DENND4A: variants seen among roughly 807,000 people sequenced by gnomAD.
DENND4A encodes the protein DENN domain containing 4A, also known as C-myc promoter-binding protein.
DENND4A carries 70 observed loss-of-function variants against 199.3 expected under a neutral mutation model. That is an observed-to-expected ratio of 0.35 (90% CI 0.29 to 0.43). The LOEUF (loss-of-function observed/expected upper bound fraction) is 0.43. Ranked by LOEUF, DENND4A falls within the 20% of genes least tolerant of loss-of-function variation. The probability of loss-of-function intolerance (pLI) is 1.00; values close to 1 mark genes in which losing one functional copy is unlikely to be tolerated. For missense variants in DENND4A, 1,723 were observed against 2,255.8 expected (o/e 0.76, Z 4.78); for synonymous variants, 686 against 766.9 (o/e 0.89, Z 1.74).
At position 65,676,428 on chromosome 15, in the gene DENND4A, G is replaced by C; in HGVS notation, c.4369+17C>G. 6.4e-7 allele frequency: 1 copy of C among 1,573,270 alleles called. No individual in the cohort carries two copies. Among genetic ancestry groups the C allele is most frequent in the East Asian group, 2.3e-5 (1 of 43,956 alleles). On this transcript the variant is annotated intron_variant, in intron 24 of 32. Transcript: ENST00000443035. Reference sequence around the variant, plus strand: ...ACTACAAATCAAATGCAGTATGACAGAACTGTTTGGACAAACCTTCCAAGG... The same window carrying C: ...ACTACAAATCAAATGCAGTATGACACAACTGTTTGGACAAACCTTCCAAGG...
chr15:65,700,665 A>T lies in DENND4A; in HGVS notation c.2712T>A (p.Ser904Arg). The T allele has an allele frequency of 6.5e-7, 1 of 1,538,158 alleles. No individual in the cohort carries two copies. The highest frequency in any genetic ancestry group is 8.8e-7 in the Non-Finnish European group (1 of 1,142,712). The stretch of plus-strand genomic sequence containing the variant: ...TGCCATGACTAACAGCATCCAGGTC[A>T]CTGCCATCTGCTTAAGAACACAATT... ...LSQTTLSADG[S>R]DLDAVSHGSM... is the part of the protein sequence containing the mutation. Residue 904 changes from serine (S) to arginine (R), a missense_variant, in exon 20 of 33, where the codon AGT (serine) becomes AGA (arginine). Physicochemically the swap from Ser to Arg is moderately radical, Grantham distance 110. Around this residue, in one of 6 missense-constraint regions of DENND4A, gnomAD observed 650 missense variants for 738.1 expected, o/e 0.88. Transcript: ENST00000443035.
chr15:65,738,734 A>G lies in DENND4A; in HGVS notation c.773T>C (p.Phe258Ser), dbSNP rs1186544962. Residue 258 changes from phenylalanine (F) to serine (S), a missense_variant, in exon 6 of 33, where the codon TTT becomes TCT. Phe to Ser is a radical substitution (Grantham distance 155). This residue lies in a region of DENND4A where 725 missense variants were observed against 952.9 expected (regional missense o/e 0.76). Transcript: ENST00000443035. ...TTCAGCTGAGGCTCCAGTTAAAACAAAAGTAGAAAATACAGGCAGAGGGTA... is the reference window on the plus strand; with the variant it reads ...TTCAGCTGAGGCTCCAGTTAAAACAGAAGTAGAAAATACAGGCAGAGGGTA... ...SKYPLPVFST[F>S]VLTGASAEKV... 6.2e-7 allele frequency: 1 copy of G among 1,611,766 alleles called. No homozygotes were observed. Among genetic ancestry groups the G allele is most frequent in the Non-Finnish European group, 8.5e-7 (1 of 1,179,044 alleles).
In DENND4A at chr15:65,718,760, C is replaced by CTTTTTTTTTTTTTTTTT. The variant is rs1038227560; in HGVS notation, c.1589-781_1589-765dup. 2.4e-4 allele frequency among the ~76,000 whole-genome samples: 16 copies of CTTTTTTTTTTTTTTTTT among 67,742 alleles called. 1 individual carries two copies. Among genetic ancestry groups the CTTTTTTTTTTTTTTTTT allele is most frequent in the African/African-American group, 4.5e-4 (9 of 20,068 alleles). 44.4% of individuals were successfully genotyped at this position (67,742 alleles called of 152,430 possible). A position where few individuals can be genotyped will look rare whatever the true frequency, so the allele number is the denominator to read the frequency against. On this transcript the variant is annotated intron_variant, in intron 12 of 32. Coordinates refer to ENST00000443035, the MANE Select transcript of DENND4A (RefSeq NM_001320835.1). ...TCAAAAGTTTTGCATGTTTTTTTTCCTTTTTTTTTTTTTTTTTTTTTTTTT... is the reference window on the plus strand; with the variant it reads ...TCAAAAGTTTTGCATGTTTTTTTTCCTTTTTTTTTTTTTTTTTTTTTTTTTTTTTTTTTTTTTTTTTT...
At chr15:65,663,543 A>G (rs569799906) in intron 32 of DENND4A, among the ~76,000 whole-genome samples, 1 of 152,096 alleles carries the variant, frequency 6.6e-6, no homozygotes, top group South Asian at 2.1e-4. Context: ...ATAGATATTT[A>G]TGTTTATTTC....
rs576385430 is a variant in DENND4A, at chr15:65,788,950, A to G, written c.-102+3060T>C. Among the ~76,000 whole-genome samples the G allele has an allele frequency of 4.6e-5, 7 of 151,874 alleles. No individual in the cohort carries two copies. In the East Asian group the frequency reaches 1.4e-3, roughly 29 times the overall value. ...TTACCCATAATCCGATCACCCAGGG[A>G]TAACATCTCTTACTATTTTATATGT... On this transcript the variant is annotated intron_variant, in intron 1 of 32. Transcript: ENST00000443035.
In DENND4A at chr15:65,788,580, G is replaced by T. The variant is rs150560478; in HGVS notation, c.-102+3430C>A. Among the ~76,000 whole-genome samples, 1,125 of 151,734 alleles carry T rather than the reference G, an allele frequency of 7.4e-3. 14 individuals are homozygous for T. The highest frequency in any genetic ancestry group is 0.041 in the South Asian group (196 of 4,740). On this transcript the variant is annotated intron_variant, in intron 1 of 32. Transcript: ENST00000443035. ...CAATGTCTTCTTTGTAATTATAAGA[G>T]TAATAACCGGCCAGGTGCAGTAATC...
intron 7 of DENND4A, among the ~76,000 whole-genome samples, chr15:65,736,334 C>T (rs1272812654): frequency 6.6e-6 from 1 of 152,094 alleles, no homozygotes. Flanking sequence ...TCTTGGCTCA[C>T]TGCAACCTCC....
chr15:65,700,893 A>C (rs1484611330), intron 19 of DENND4A, among the ~76,000 whole-genome samples, 158 bp downstream of exon 19: 1 of 152,220 alleles, frequency 6.6e-6, no homozygotes, highest in Non-Finnish European at 1.5e-5. Context: ...ACAGAAGTGA[A>C]ATCTGGTGGT....
intron 15 of DENND4A, among the ~76,000 whole-genome samples, chr15:65,705,266 C>G (rs909278064): frequency 6.6e-6 from 1 of 152,000 alleles, no homozygotes; most frequent in South Asian, 2.1e-4. Flanking sequence ...ATTGAAAAAT[C>G]CTTTTTCAAT....
At chr15:65,703,687 T>G (rs1002901780) in intron 15 of DENND4A, among the ~76,000 whole-genome samples, 3 of 152,324 alleles carry the variant, frequency 2.0e-5, no homozygotes, top group Admixed American at 2.0e-4. Context: ...GCAGCTAGGC[T>G]GGGTGCAGTT....
At chr15:65,701,661 TA>T in intron 18 of DENND4A, 100 bp downstream of exon 18, 4 of 1,108,752 alleles carry the variant, frequency 3.6e-6, no homozygotes, top group Non-Finnish European at 5.3e-6. Flanking sequence ...TTATATACTC[TA>T]AAATAAATGC....
At chr15:65,758,659 T>C (rs1213634874) in intron 2 of DENND4A, among the ~76,000 whole-genome samples, 2 of 152,198 alleles carry the variant, frequency 1.3e-5, no homozygotes, top group Non-Finnish European at 2.9e-5. Flanking sequence ...ACCATCATTA[T>C]TTATATACCA....
chr15:65,665,450 A>G lies in DENND4A; in HGVS notation c.5254T>C (p.Cys1752Arg). The change falls in exon 30 of 33, where the codon TGT becomes CGT. Residue 1752 changes from cysteine to arginine, a missense_variant. Cys to Arg is a radical substitution (Grantham distance 180). Transcript: ENST00000443035. ...ACATATTTGCTATCTTCAGACATAC[A>G]GTGGCGGGGAATCTGTGTTATACAA... ...CNKYSKIPRH[C>R]MSEDSKYVLI... 6.2e-7 allele frequency: 1 copy of G among 1,612,004 alleles called. No individual in the cohort carries two copies. Among genetic ancestry groups the G allele is most frequent in the South Asian group, 1.1e-5 (1 of 90,810 alleles).
chr15:65,714,306 G>C (rs980550070), intron 14 of DENND4A, among the ~76,000 whole-genome samples: 7 of 151,914 alleles, frequency 4.6e-5, no homozygotes, highest in East Asian at 1.9e-4. Flanking sequence ...CCAGCTACTC[G>C]GGAGGCTGAG....
chr15:65,676,666 T>C (rs1381135951), intron 23 of DENND4A, 32 bp from the exon 24 acceptor site: 3 of 1,547,640 alleles, frequency 1.9e-6, no homozygotes, highest in Non-Finnish European at 2.6e-6. Context: ...TAATTTCTTG[T>C]ACATTTAAAG....
chr15:65,697,861 A>G (rs990469059), intron 20 of DENND4A, among the ~76,000 whole-genome samples: 1 of 152,220 alleles, frequency 6.6e-6, no homozygotes, highest in African/African-American at 2.4e-5. Flanking sequence ...ATGGGTAATT[A>G]ATTTTTAAAA....
At chr15:65,697,813 T>C (rs1409075348) in intron 20 of DENND4A, among the ~76,000 whole-genome samples, 1 of 152,208 alleles carries the variant, frequency 6.6e-6, no homozygotes, top group East Asian at 1.9e-4. Context: ...AATGTCTAAA[T>C]GATTTTACAA....
At chr15:65,674,485 G>C (rs1053415581) in intron 24 of DENND4A, among the ~76,000 whole-genome samples, 1 of 152,174 alleles carries the variant, frequency 6.6e-6, no homozygotes, top group African/African-American at 2.4e-5. Flanking sequence ...AAGTATAGCT[G>C]AGTGTGGTGG....
chr15:65,690,460 T>C lies in DENND4A; in HGVS notation c.4134A>G (p.Ala1378=), dbSNP rs747857865. The change falls in exon 23 of 33, where the codon GCA becomes GCG. Residue 1378 remains alanine, a synonymous_variant. Coordinates refer to ENST00000443035, the MANE Select transcript of DENND4A (RefSeq NM_001320835.1). ...FTAGKGVAEK[A]SKWYSRFTMY... ...TGGTGAATCTTGAATACCATTTGCT[T>C]GCTTTCTCTGCAACTCCTTTTCCAG... 6.2e-7 allele frequency: 1 copy of C among 1,605,566 alleles called. No individual in the cohort carries two copies. Among genetic ancestry groups the C allele is most frequent in the Admixed American group, 1.7e-5 (1 of 58,934 alleles).
Sources: allele counts gnomAD v4.1 joint callset (sites outside exome capture counted in the v4.1 genomes callset), GRCh38; gene constraint gnomAD v4.1.1; regional missense constraint gnomAD v4.1.1; transcripts MANE v1.5; gene names NCBI Gene and HGNC (gene_info 2026-07-23, HGNC 2026-07-21).